The following RNGTT variants were observed in gnomAD, a reference collection of about 807,000 sequenced individuals.
The protein encoded by RNGTT is RNA guanylyltransferase and 5'-phosphatase.
In RNGTT, 33 loss-of-function variants were observed where a neutral mutation model predicts 79.3. The ratio of observed to expected loss-of-function variants is 0.42; its 90% CI spans 0.32 to 0.56. The LOEUF (loss-of-function observed/expected upper bound fraction) is 0.56. Ranked by LOEUF, RNGTT falls within the 20% of genes least tolerant of loss-of-function variation. RNGTT has a pLI of 0.17. For missense variants in RNGTT, 497 were observed against 739.1 expected (o/e 0.67, Z 3.80); for synonymous variants, 222 against 235.9 (o/e 0.94, Z 0.54).
In RNGTT at chr6:88,864,989, A is replaced by C. The variant is rs139020656; in HGVS notation, c.897-11225T>G. 3.1e-3 allele frequency among the ~76,000 whole-genome samples: 465 copies of C among 152,258 alleles called. 3 individuals carry two copies. Among genetic ancestry groups the C allele is most frequent in the African/African-American group, 9.1e-3 (377 of 41,562 alleles). ...GAATTTCAGTTATACAAAATCAAAGAGTTCTGAAGATAGATGTTGGTGACA... is the reference window on the plus strand; with the variant it reads ...GAATTTCAGTTATACAAAATCAAAGCGTTCTGAAGATAGATGTTGGTGACA... On this transcript the variant is annotated intron_variant, in intron 8 of 15. Transcript: ENST00000369485.
chr6:88,852,828 A>AT (rs944537756), intron 9 of RNGTT, among the ~76,000 whole-genome samples: 2 of 152,122 alleles, frequency 1.3e-5, no homozygotes, highest in African/African-American at 4.8e-5. Flanking sequence ...TAAACAAGCA[A>AT]TTTTTTAACC....
chr6:88,742,060 T>C (rs1777510541), intron 13 of RNGTT, among the ~76,000 whole-genome samples: 1 of 152,202 alleles, frequency 6.6e-6, no homozygotes, highest in South Asian at 2.1e-4. Context: ...ATGCATTTTC[T>C]TTTACAGCAT....
At chr6:88,664,371 A>T (rs1356407638) in intron 14 of RNGTT, among the ~76,000 whole-genome samples, 1 of 152,236 alleles carries the variant, frequency 6.6e-6, no homozygotes, top group Non-Finnish European at 1.5e-5. Flanking sequence ...TTAGTTAGTC[A>T]AAGCGCAGAG....
chr6:88,712,917 C>G (rs1776367585), intron 13 of RNGTT, among the ~76,000 whole-genome samples: 1 of 152,168 alleles, frequency 6.6e-6, no homozygotes, highest in Non-Finnish European at 1.5e-5. Flanking sequence ...TGCTAACTCT[C>G]AAAGACAATC....
chr6:88,650,251 T>C (rs1013009498), intron 14 of RNGTT, among the ~76,000 whole-genome samples: 2 of 152,182 alleles, frequency 1.3e-5, no homozygotes, highest in Non-Finnish European at 2.9e-5. Flanking sequence ...ATTACGTGCA[T>C]GTTACTTTAC....
At chr6:88,725,154 C>G (rs1018507369) in intron 13 of RNGTT, among the ~76,000 whole-genome samples, 1 of 152,244 alleles carries the variant, frequency 6.6e-6, no homozygotes, top group African/African-American at 2.4e-5. Context: ...ACATTCCCTT[C>G]CCGGGGCGGT....
chr6:88,709,349 C>T (rs1776245837), intron 13 of RNGTT, among the ~76,000 whole-genome samples: 1 of 150,614 alleles, frequency 6.6e-6, no homozygotes, highest in African/African-American at 2.4e-5. Flanking sequence ...TATGCTGGAA[C>T]ACTAACAGCT....
At chr6:88,929,991 TGTATAC>T (rs1304885545) in intron 2 of RNGTT, among the ~76,000 whole-genome samples, 3 of 149,382 alleles carry the variant, frequency 2.0e-5, no homozygotes, top group Non-Finnish European at 1.5e-5. Context: ...TGCATATACA[TGTATAC>T]ATATATACAT....
intron 1 of RNGTT, among the ~76,000 whole-genome samples, chr6:88,944,499 C>G (rs1165056417): frequency 2.0e-5 from 3 of 152,110 alleles, no homozygotes; most frequent in Non-Finnish European, 2.9e-5. Context: ...CTCGGGATTT[C>G]CTTACCATCT....
intron 8 of RNGTT, among the ~76,000 whole-genome samples, chr6:88,879,205 G>C (rs1176249940): frequency 6.6e-6 from 1 of 152,098 alleles, no homozygotes; most frequent in Non-Finnish European, 1.5e-5. Flanking sequence ...CACCAGCCTG[G>C]CAACATAGTG....
chr6:88,840,048 T>C (rs923838402), intron 11 of RNGTT, among the ~76,000 whole-genome samples: 117 of 152,354 alleles, frequency 7.7e-4, no homozygotes, highest in African/African-American at 2.5e-3. Context: ...TTAGTATGCA[T>C]GTTTTATAGC....
intron 13 of RNGTT, among the ~76,000 whole-genome samples, chr6:88,717,257 T>C (rs1253807804): frequency 6.6e-6 from 1 of 152,242 alleles, no homozygotes; most frequent in Non-Finnish European, 1.5e-5. Flanking sequence ...TTTTTATCTT[T>C]CCTCCTCTAA....
chr6:88,899,734 C>A (rs958470199), intron 6 of RNGTT, among the ~76,000 whole-genome samples: 1 of 152,196 alleles, frequency 6.6e-6, no homozygotes, highest in South Asian at 2.1e-4. Flanking sequence ...TCTTCTACAG[C>A]TTTTCCTTTC....
intron 14 of RNGTT, among the ~76,000 whole-genome samples, chr6:88,651,110 T>C (rs1363463338): frequency 2.0e-5 from 3 of 148,508 alleles, no homozygotes; most frequent in Non-Finnish European, 4.5e-5. Context: ...CTTTTTATGT[T>C]AAAAAAAAAA....
Position 88,929,277 on chromosome 6 carries a change from A to G in RNGTT, c.175-10T>C. ...ACAAGCCCATTTTAACCTAAAAAAA[A>G]AAAAAAATGAAAGGGCAAATTTACT... is the stretch of plus-strand genomic sequence containing the variant. On this transcript the variant is annotated splice_polypyrimidine_tract_variant and intron_variant, in intron 2 of 15. Coordinates refer to ENST00000369485, the MANE Select transcript of RNGTT (RefSeq NM_003800.5). 2 of 1,565,740 alleles carry G rather than the reference A, an allele frequency of 1.3e-6. No homozygotes were observed. Among genetic ancestry groups the G allele is most frequent in the Non-Finnish European group, 1.7e-6 (2 of 1,154,412 alleles).
rs529096338 is a variant in RNGTT at position 88,799,425 on chromosome 6, G to A, written c.1338+2139C>T. On this transcript the variant is annotated intron_variant, in intron 12 of 15. Coordinates refer to ENST00000369485, the MANE Select transcript of RNGTT (RefSeq NM_003800.5). Reference sequence around the variant, plus strand: ...ATAAAAAGTGTGGTTACGGCCCGGCGCGGTGGCTCACACCTGTAATCCCAG... The same window carrying A: ...ATAAAAAGTGTGGTTACGGCCCGGCACGGTGGCTCACACCTGTAATCCCAG... 6.6e-5 allele frequency among the ~76,000 whole-genome samples: 10 copies of A among 152,146 alleles called. No homozygotes were observed. In the East Asian group the frequency reaches 7.7e-4, roughly 12 times the overall value.
At chr6:88,613,120 A>AT (rs1289742054) in intron 15 of RNGTT, among the ~76,000 whole-genome samples, 1 of 152,222 alleles carries the variant, frequency 6.6e-6, no homozygotes, top group Non-Finnish European at 1.5e-5. Context: ...TGTTTGGGCT[A>AT]TAAGCATGTC....
chr6:88,775,717 C>A (rs546089677), intron 12 of RNGTT, among the ~76,000 whole-genome samples: 1 of 152,254 alleles, frequency 6.6e-6, no homozygotes, highest in South Asian at 2.1e-4. Flanking sequence ...CAAGTAGCTT[C>A]ATAATAGGTG....
rs140048993 is a variant in RNGTT at position 88,761,504 on chromosome 6, A to G, written c.1439+8270T>C. 2.0e-3 allele frequency among the ~76,000 whole-genome samples: 309 copies of G among 152,062 alleles called. 2 individuals carry two copies. Among genetic ancestry groups the G allele is most frequent in the African/African-American group, 7.3e-3 (302 of 41,468 alleles). On this transcript the variant is annotated intron_variant, in intron 13 of 15. Transcript: ENST00000369485. The stretch of plus-strand genomic sequence containing the variant: ...AGTCTCTATCTCAAAACAAACAAAC[A>G]ACAACAAAAATACCTAAGCCTCCCA...
Sources: allele counts gnomAD v4.1 joint callset (sites outside exome capture counted in the v4.1 genomes callset), GRCh38; gene constraint gnomAD v4.1.1; transcripts MANE v1.5; gene names NCBI Gene and HGNC (gene_info 2026-07-23, HGNC 2026-07-21).